Variants in SLC44A1 observed in about 807,000 individuals in gnomAD.
SLC44A1 encodes the protein choline transporter-like protein 1.
Under a neutral mutation model 79.3 loss-of-function variants are expected in SLC44A1, and 26 were observed. That is an observed-to-expected ratio of 0.33 (90% confidence interval 0.24 to 0.46). The LOEUF is 0.46. Ranked by LOEUF, SLC44A1 falls within the 20% of genes least tolerant of loss-of-function variation. The probability of loss-of-function intolerance (pLI) is 1.00; values close to 1 mark genes in which losing one functional copy is unlikely to be tolerated. For missense variants in SLC44A1, 688 were observed against 798.1 expected (o/e 0.86, Z 1.66); for synonymous variants, 263 against 286.2 (o/e 0.92, Z 0.82).
At chr9:105,404,864 G>A (rs1829008638) in intron 15 of SLC44A1, among the ~76,000 whole-genome samples, 1 of 152,142 alleles carries the variant, frequency 6.6e-6, no homozygotes. Flanking sequence ...TGTAAAATGG[G>A]AATAGTCATG....
intron 3 of SLC44A1, among the ~76,000 whole-genome samples, chr9:105,316,660 A>G (rs1268700425): frequency 6.6e-6 from 1 of 152,206 alleles, no homozygotes; most frequent in Non-Finnish European, 1.5e-5. Flanking sequence ...CAAAATACAT[A>G]GAGAAATTAT....
intron 15 of SLC44A1, among the ~76,000 whole-genome samples, chr9:105,428,389 CAT>C (rs923002853): frequency 6.6e-6 from 1 of 152,122 alleles, no homozygotes; most frequent in African/African-American, 2.4e-5. Context: ...TTCCTTCCCC[CAT>C]CAACTTGTGT....
chr9:105,244,970 C>A, intron 1 of SLC44A1, 66 bp downstream of exon 1: 1 of 678,828 alleles, frequency 1.5e-6, no homozygotes. Flanking sequence ...GCGCGGCGGG[C>A]GCCCGCCGCC....
chr9:105,288,347 G>T (rs1268142196), intron 1 of SLC44A1, among the ~76,000 whole-genome samples: 5 of 151,458 alleles, frequency 3.3e-5, no homozygotes, highest in African/African-American at 9.7e-5. Flanking sequence ...TGTTTTTTTT[G>T]TTTGTTTGTT....
intron 3 of SLC44A1, among the ~76,000 whole-genome samples, chr9:105,322,159 G>A (rs761071812): frequency 3.9e-5 from 6 of 152,224 alleles, no homozygotes; most frequent in Non-Finnish European, 8.8e-5. Context: ...GCTAAGTGTA[G>A]TTACTGACAT....
chr9:105,258,306 C>T (rs1198957616), intron 1 of SLC44A1, among the ~76,000 whole-genome samples: 1 of 152,110 alleles, frequency 6.6e-6, no homozygotes, highest in Admixed American at 6.5e-5. Context: ...ATTGAAGACC[C>T]AGAACTGGAT....
intron 15 of SLC44A1, among the ~76,000 whole-genome samples, chr9:105,407,899 G>A (rs1228712570): frequency 4.7e-5 from 7 of 148,364 alleles, no homozygotes; most frequent in Admixed American, 3.4e-4. Flanking sequence ...AGGCACGATG[G>A]CTCACACCTG....
rs1225629633 is a variant in SLC44A1 at position 105,390,858 on chromosome 9, T to A, written c.*1802T>A. The A allele has an allele frequency of 3.0e-6, 3 of 985,584 alleles. No individual in the cohort carries two copies. The highest frequency in any genetic ancestry group is 3.6e-6 in the Non-Finnish European group (3 of 829,866). The allele number at this position is 985,584 out of a possible 1,614,324, so 61.1% of individuals were successfully genotyped here. ...ACCAACATTGCGAGAGTAGCTATTT[T>A]GAAAGAATAATTCTCCAGAAGTTAA... On this transcript the variant is annotated 3_prime_UTR_variant, in exon 16 of 16. Transcript: ENST00000374720.
At chr9:105,335,775 A>G in intron 4 of SLC44A1, 76 bp downstream of exon 4, 3 of 1,345,714 alleles carry the variant, frequency 2.2e-6, no homozygotes, top group Non-Finnish European at 3.1e-6. Flanking sequence ...CCCTAGTGTT[A>G]AATAAATTAT....
intron 15 of SLC44A1, chr9:105,386,397 C>T (rs371628137): frequency 1.0e-6 from 1 of 977,292 alleles, no homozygotes; most frequent in Non-Finnish European, 1.2e-6. Context: ...AACAATGTGT[C>T]CCCTGACTGC....
intron 7 of SLC44A1, among the ~76,000 whole-genome samples, chr9:105,360,157 C>G (rs1478156135): frequency 6.6e-6 from 1 of 152,132 alleles, no homozygotes; most frequent in Non-Finnish European, 1.5e-5. Flanking sequence ...AGGCATGGTT[C>G]TACCTCAGTC....
At chr9:105,314,334 A>G (rs930209230) in intron 3 of SLC44A1, among the ~76,000 whole-genome samples, 1 of 152,178 alleles carries the variant, frequency 6.6e-6, no homozygotes, top group Non-Finnish European at 1.5e-5. Flanking sequence ...CTTAGTAAGC[A>G]TAGGCCATCA....
intron 13 of SLC44A1, among the ~76,000 whole-genome samples, chr9:105,375,562 A>T (rs547569312): frequency 6.6e-6 from 1 of 152,192 alleles, no homozygotes; most frequent in African/African-American, 2.4e-5. Flanking sequence ...AGATTAATGC[A>T]TTGTTAATAC....
intron 1 of SLC44A1, among the ~76,000 whole-genome samples, chr9:105,267,897 C>CT (rs752333729): frequency 6.6e-5 from 10 of 152,126 alleles, no homozygotes; most frequent in Non-Finnish European, 8.8e-5. Flanking sequence ...TCGGGAAACA[C>CT]TAAGTGTCAG....
intron 3 of SLC44A1, among the ~76,000 whole-genome samples, chr9:105,312,724 G>A (rs1189015891): frequency 6.6e-6 from 1 of 152,080 alleles, no homozygotes; most frequent in Non-Finnish European, 1.5e-5. Context: ...CCAGAAAATG[G>A]TGTTTTATAG....
Position 105,364,563 on chromosome 9 carries a change from G to T in SLC44A1, c.1096G>T (p.Val366Phe), listed in dbSNP as rs1275360159. The change falls in exon 10 of 16, where the codon GTT becomes TTT. Residue 366 changes from valine (V) to phenylalanine (F), a missense_variant. Coordinates refer to ENST00000374720, the MANE Select transcript of SLC44A1 (RefSeq NM_080546.5). Reference sequence around the variant, plus strand: ...CCTTGATATTTTCCTAGGCAGTCCTGTTCAGAATGAGCAAGGCTTTGTGGA... The same window carrying T: ...CCTTGATATTTTCCTAGGCAGTCCTTTTCAGAATGAGCAAGGCTTTGTGGA... ...LLFLGTTGSP[V>F]QNEQGFVEFK... 6.2e-7 allele frequency: 1 copy of T among 1,612,598 alleles called. No homozygotes were observed. The highest frequency in any genetic ancestry group is 8.5e-7 in the Non-Finnish European group (1 of 1,179,598).
At chr9:105,377,748 C>G (rs548813516) in intron 13 of SLC44A1, among the ~76,000 whole-genome samples, 36 of 149,740 alleles carry the variant, frequency 2.4e-4, no homozygotes, top group African/African-American at 8.5e-4. Flanking sequence ...GGCGACAGAG[C>G]AAGACTCTGT....
intron 15 of SLC44A1, among the ~76,000 whole-genome samples, chr9:105,420,377 T>A (rs1829229850): frequency 6.6e-6 from 1 of 152,008 alleles, no homozygotes; most frequent in African/African-American, 2.4e-5. Context: ...GCATGGGAAA[T>A]TAAAGTTACA....
chr9:105,316,564 T>A lies in SLC44A1; in HGVS notation c.269+6698T>A, dbSNP rs73512013. ...TTTCCTAAGTTTTCTATAATCGATA[T>A]ATACATTACTTGGGTAATGGAAAAA... On this transcript the variant is annotated intron_variant, in intron 3 of 15. Coordinates refer to ENST00000374720, the MANE Select transcript of SLC44A1 (RefSeq NM_080546.5). Among the ~76,000 whole-genome samples, 139 of 152,348 alleles carry A rather than the reference T, an allele frequency of 9.1e-4. 1 individual carries two copies. Among genetic ancestry groups the A allele is most frequent in the African/African-American group, 3.3e-3 (136 of 41,588 alleles).
Sources: allele counts gnomAD v4.1 joint callset (sites outside exome capture counted in the v4.1 genomes callset), GRCh38; gene constraint gnomAD v4.1.1; transcripts MANE v1.5; gene names NCBI Gene and HGNC (gene_info 2026-07-23, HGNC 2026-07-21).